Variants in MFAP3L observed in about 807,000 individuals in gnomAD.
The protein encoded by MFAP3L is microfibrillar-associated protein 3-like.
MFAP3L carries 5 observed loss-of-function variants against 20.0 expected under a neutral mutation model. The observed-to-expected ratio is 0.25, with a 90% CI of 0.13 to 0.53. The LOEUF is 0.53. Among genes scored for constraint, MFAP3L ranks in the 20% least tolerant of loss-of-function variants. The pLI is 0.96. For synonymous variants in MFAP3L, 219 were observed against 213.0 expected, an observed-to-expected ratio of 1.03 and a Z score of -0.25; for missense variants, 409 against 527.5, an observed-to-expected ratio of 0.78 and a Z score of 2.20.
At chr4:170,002,885 C>T (rs1045545018) in intron 2 of MFAP3L, among the ~76,000 whole-genome samples, 1 of 151,630 alleles carries the variant, frequency 6.6e-6, no homozygotes, top group Non-Finnish European at 1.5e-5. Context: ...AACACCGCTC[C>T]ATATAAACTT....
At chr4:170,017,001 A>G (rs2622073) in intron 1 of MFAP3L, among the ~76,000 whole-genome samples, 115 of 152,312 alleles carry the variant, frequency 7.6e-4, no homozygotes, top group Middle Eastern at 3.4e-3. Flanking sequence ...TACTTAATTT[A>G]TATTTCAAAA....
In MFAP3L at chr4:169,992,028, C is replaced by T. The variant is rs1164728016; in HGVS notation, c.580G>A (p.Gly194Ser). 6.2e-7 allele frequency: 1 copy of T among 1,614,166 alleles called. No individual in the cohort carries two copies. Among genetic ancestry groups the T allele is most frequent in the Non-Finnish European group, 8.5e-7 (1 of 1,180,046 alleles). Residue 194 changes from glycine to serine, a missense_variant, in exon 3 of 3, where the codon GGT (glycine) becomes AGT (serine). By Grantham distance (56) the Gly-to-Ser change is moderately conservative. Coordinates refer to ENST00000361618, the MANE Select transcript of MFAP3L (RefSeq NM_021647.8). This position sits in a 1 kb window ranked among gnomAD's most constrained non-coding sequence, Gnocchi z 4.3. ...AATGCCTTCTGCAGCTTCTCTGCACCTTCGGTCCTAAAGAACTCATTGATG... is the reference window on the plus strand; with the variant it reads ...AATGCCTTCTGCAGCTTCTCTGCACTTTCGGTCCTAAAGAACTCATTGATG... ...KAINEFFRTE[G>S]AEKLQKAFEI...
intron 1 of MFAP3L, among the ~76,000 whole-genome samples, chr4:170,022,997 T>A (rs1322531503): frequency 1.3e-5 from 2 of 152,200 alleles, no homozygotes; most frequent in African/African-American, 4.8e-5. Flanking sequence ...AGTTCCAAAG[T>A]GGACACCTTT....
chr4:170,013,228 T>C (rs1009327299), intron 1 of MFAP3L, among the ~76,000 whole-genome samples: 2 of 152,194 alleles, frequency 1.3e-5, no homozygotes, highest in African/African-American at 4.8e-5. Flanking sequence ...CAAATCATTA[T>C]TTTAAAAAAT....
rs1461243151 is a variant in MFAP3L, at chr4:169,988,440, T to C, written c.*2938A>G. 1.3e-5 allele frequency: 2 copies of C among 152,184 alleles called. No homozygotes were observed. Among genetic ancestry groups the C allele is most frequent in the African/African-American group, 4.8e-5 (2 of 41,454 alleles). 9.4% of individuals were successfully genotyped at this position (152,184 alleles called of 1,614,324 possible). On this transcript the variant is annotated 3_prime_UTR_variant, in exon 3 of 3. Transcript: ENST00000361618. ...ACCAGGATGACTCAGAAGCCAGAAA[T>C]TGATTTTACAAACGACTACATACGA...
At chr4:170,003,328 G>A (rs898722820) in intron 2 of MFAP3L, among the ~76,000 whole-genome samples, 1 of 152,104 alleles carries the variant, frequency 6.6e-6, no homozygotes, top group Admixed American at 6.5e-5. Flanking sequence ...CACTAGCTTG[G>A]GGTCTACTGA....
chr4:170,009,727 A>ACCT (rs1368736895), intron 1 of MFAP3L, among the ~76,000 whole-genome samples: 2 of 151,970 alleles, frequency 1.3e-5, no homozygotes, highest in Admixed American at 1.3e-4. Flanking sequence ...CCCCTTCCCT[A>ACCT]CCTCCCAGCC....
rs1313413883 is a variant in MFAP3L, at chr4:169,989,032, A to G, written c.*2346T>C. 1 of 152,202 alleles carries G rather than the reference A, an allele frequency of 6.6e-6. No homozygotes were observed. Among genetic ancestry groups the G allele is most frequent in the African/African-American group, 2.4e-5 (1 of 41,460 alleles). 9.4% of individuals were successfully genotyped at this position (152,202 alleles called of 1,614,324 possible). A position where few individuals can be genotyped will look rare whatever the true frequency, so the allele number is the denominator to read the frequency against. The stretch of plus-strand genomic sequence containing the variant: ...AACTGAATAGGATGGGGTAACATCC[A>G]TACAGTATCACAAAATGAACTTAAG... On this transcript the variant is annotated 3_prime_UTR_variant, in exon 3 of 3. Coordinates refer to ENST00000361618, the MANE Select transcript of MFAP3L (RefSeq NM_021647.8).
intron 2 of MFAP3L, among the ~76,000 whole-genome samples, chr4:169,997,063 G>C (rs1738229964): frequency 6.7e-6 from 1 of 150,106 alleles, no homozygotes; most frequent in Non-Finnish European, 1.5e-5. Flanking sequence ...GTTTAAAGAT[G>C]AAGACCACAG....
intron 2 of MFAP3L, among the ~76,000 whole-genome samples, chr4:169,997,432 T>A (rs1581463478): frequency 6.6e-6 from 1 of 152,114 alleles, no homozygotes; most frequent in East Asian, 1.9e-4. Flanking sequence ...AAATACTTAA[T>A]GACTCTAAAA....
chr4:169,999,209 T>C (rs1738434386), intron 2 of MFAP3L, among the ~76,000 whole-genome samples: 1 of 152,164 alleles, frequency 6.6e-6, no homozygotes, highest in South Asian at 2.1e-4. Flanking sequence ...AAGAGACCTC[T>C]TCAGAGAGGA....
intron 1 of MFAP3L, among the ~76,000 whole-genome samples, chr4:170,020,342 C>T (rs1049263334): frequency 1.3e-5 from 2 of 152,148 alleles, no homozygotes; most frequent in Admixed American, 6.5e-5. Flanking sequence ...ATGATTCTCA[C>T]TCCTCAATAT....
intron 1 of MFAP3L, among the ~76,000 whole-genome samples, chr4:170,010,099 G>A (rs1425343373): frequency 6.6e-6 from 1 of 152,074 alleles, no homozygotes; most frequent in Admixed American, 6.5e-5. Flanking sequence ...AGCATGGAGA[G>A]GGAAGCCCCA....
intron 2 of MFAP3L, among the ~76,000 whole-genome samples, chr4:170,004,323 T>C (rs79625238): frequency 0.011 from 1,703 of 152,310 alleles, 36 homozygotes; most frequent in African/African-American, 0.038. Context: ...ATGTGAGTTC[T>C]AATTTAACTT....
Position 169,998,189 on chromosome 4 carries a change from G to A in MFAP3L, c.299-5880C>T, listed in dbSNP as rs543212167. The stretch of plus-strand genomic sequence containing the variant: ...GTGCTCGCCATGGTGGCATGCCCAC[G>A]TGGTATGGCCCAATGTCTCCTCAAT... On this transcript the variant is annotated intron_variant, in intron 2 of 2. Transcript: ENST00000361618. 5.9e-5 allele frequency among the ~76,000 whole-genome samples: 9 copies of A among 152,360 alleles called. No individual in the cohort carries two copies. In the East Asian group the frequency reaches 7.7e-4, roughly 13 times the overall value.
At chr4:170,002,255 G>A in intron 2 of MFAP3L, 5 of 985,310 alleles carry the variant, frequency 5.1e-6, no homozygotes, top group Non-Finnish European at 6.0e-6. Flanking sequence ...GGGCACAGAG[G>A]GAGAATGAAT....
chr4:170,019,944 G>GT (rs1397063187), intron 1 of MFAP3L, among the ~76,000 whole-genome samples: 3 of 152,168 alleles, frequency 2.0e-5, no homozygotes, highest in African/African-American at 7.2e-5. Flanking sequence ...TCATTAGCAA[G>GT]TCCCCAATGC....
rs375301592 is a variant in MFAP3L, at chr4:169,992,208, C to T, written c.400G>A (p.Val134Met). Residue 134 changes from valine to methionine, a missense_variant, in exon 3 of 3, where the codon GTG (valine) becomes ATG (methionine). By Grantham distance (21) the Val-to-Met change is conservative (BLOSUM62 1). Transcript: ENST00000361618. The surrounding 1 kb of genome is among the most constrained non-coding windows in gnomAD (Gnocchi z 4.3). ...ACGCGCAAGGTCACCGTGTTGTTCA[C>T]GGTGCCGTAGATGTTAGAAGCCACA... ...TCVASNIYGT[V>M]NNTVTLRVIF... The T allele has an allele frequency of 4.3e-5, 69 of 1,613,996 alleles. No homozygotes were observed. The highest frequency in any genetic ancestry group is 5.4e-5 in the Non-Finnish European group (64 of 1,180,030).
At position 169,991,548 on chromosome 4, in the gene MFAP3L, G is replaced by A. The variant is rs776243508; in HGVS notation, c.1060C>T (p.Pro354Ser). ...EETELSAEHS[P>S]ETAEPSTDVT... ...TCGGTAGAAGGTTCTGCAGTTTCGG[G>A]GGAATGTTCCGCCGACAGTTCTGTC... Residue 354 changes from proline to serine, a missense_variant, in exon 3 of 3, where the codon CCC (proline) becomes TCC (serine). Pro to Ser is a moderately conservative substitution (Grantham distance 74). This residue lies in a region of MFAP3L where 169 missense variants were observed against 178.2 expected (regional missense o/e 0.95). Coordinates refer to ENST00000361618, the MANE Select transcript of MFAP3L (RefSeq NM_021647.8). The surrounding 1 kb of genome is among the most constrained non-coding windows in gnomAD (Gnocchi z 4.9). 6 of 1,614,006 alleles carry A rather than the reference G, an allele frequency of 3.7e-6. No individual in the cohort carries two copies. In the East Asian group the frequency reaches 1.3e-4, roughly 36 times the overall value.
Sources: gnomAD v4.1 joint callset for allele counts (sites outside exome capture counted in the v4.1 genomes callset) on GRCh38, gnomAD v4.1.1 for gene constraint, gnomAD v4.1.1 regional missense constraint, Gnocchi (gnomAD v3.1) non-coding constraint, MANE v1.5 for transcripts, NCBI Gene and HGNC (gene_info 2026-07-23, HGNC 2026-07-21) for gene names.